Variants in NLRP9 observed in about 807,000 individuals in gnomAD.
NLRP9 encodes NACHT, LRR and PYD domains-containing protein 9.
Under a neutral mutation model 83.1 loss-of-function variants are expected in NLRP9, and 88 were observed. The ratio of observed to expected loss-of-function variants is 1.06; its 90% CI spans 0.89 to 1.26. The LOEUF is 1.26. Ranked by LOEUF, NLRP9 falls within the 50% of genes most tolerant of loss-of-function variation. NLRP9 has a pLI of 0.00. For missense variants in NLRP9, 1,308 were observed against 1,179.3 expected (o/e 1.11, Z -1.60); for synonymous variants, 521 against 447.6 (o/e 1.16, Z -2.07).
intron 4 of NLRP9, among the ~76,000 whole-genome samples, 174 bp from the exon 5 acceptor site, chr19:55,717,072 T>C (rs112445243): frequency 0.024 from 3,656 of 150,716 alleles, 193 homozygotes; most frequent in African/African-American, 0.086. Context: ...CTCACTCTGT[T>C]GCCCAGGCAG....
chr19:55,711,610 G>A (rs938900422), intron 8 of NLRP9, 190 bp downstream of exon 8: 37 of 879,266 alleles, frequency 4.2e-5, no homozygotes, highest in Non-Finnish European at 4.9e-5. Flanking sequence ...GAGAAAGGCC[G>A]AGAATGTTGC....
Position 55,729,275 on chromosome 19 carries a change from G to A in NLRP9, c.1994+556C>T, listed in dbSNP as rs374351474. The stretch of plus-strand genomic sequence containing the variant: ...TTATACTTTAAGTTCTAGGGTGCAT[G>A]TGTACAACGTGCAGGTTTGTTACTT... On this transcript the variant is annotated intron_variant, in intron 3 of 8. Transcript: ENST00000332836. Among the ~76,000 whole-genome samples the A allele has an allele frequency of 2.0e-5, 3 of 150,126 alleles. No homozygotes were observed. The East Asian group carries it at 5.9e-4, about 29-fold the overall frequency.
intron 8 of NLRP9, 195 bp downstream of exon 8, chr19:55,711,605 A>C: frequency 1.1e-6 from 1 of 881,952 alleles, no homozygotes; most frequent in Non-Finnish European, 1.8e-6. Flanking sequence ...CTCATGAGAA[A>C]GGCCGAGAAT....
intron 4 of NLRP9, among the ~76,000 whole-genome samples, chr19:55,718,259 G>C (rs1468142042): frequency 6.6e-6 from 1 of 152,194 alleles, no homozygotes. Flanking sequence ...GACAGCCTGA[G>C]ATATGGCCTC....
At chr19:55,735,428 AAAATT>A (rs1988759777) in intron 1 of NLRP9, among the ~76,000 whole-genome samples, 2 of 152,196 alleles carry the variant, frequency 1.3e-5, no homozygotes, top group South Asian at 4.1e-4. Context: ...TCTCTATTAA[AAAATT>A]AAATTAAAAA....
chr19:55,735,069 G>A (rs546171759), intron 1 of NLRP9, among the ~76,000 whole-genome samples: 1 of 152,334 alleles, frequency 6.6e-6, no homozygotes, highest in East Asian at 1.9e-4. Flanking sequence ...GGACTGGACG[G>A]AAGGAGATTG....
intron 3 of NLRP9, among the ~76,000 whole-genome samples, chr19:55,728,576 GCAA>G (rs1172690041): frequency 2.6e-5 from 4 of 151,980 alleles, no homozygotes; most frequent in East Asian, 1.9e-4. Flanking sequence ...CCGTCTCAAA[GCAA>G]CAACAACAAC....
intron 3 of NLRP9, among the ~76,000 whole-genome samples, chr19:55,727,811 A>G (rs28720860): frequency 6.6e-6 from 1 of 152,118 alleles, no homozygotes; most frequent in Non-Finnish European, 1.5e-5. Context: ...TTTAGTCAAC[A>G]GAGAAACACT....
chr19:55,731,580 C>T (rs772081923), intron 2 of NLRP9, among the ~76,000 whole-genome samples: 5 of 151,714 alleles, frequency 3.3e-5, no homozygotes, highest in Non-Finnish European at 5.9e-5. Context: ...AAAAATTAGC[C>T]GGGCGTGGTG....
At position 55,715,143 on chromosome 19, in the gene NLRP9, C is replaced by A. The variant is rs776582079; in HGVS notation, c.2413G>T (p.Asp805Tyr). ...TCTTCCAGGGCATTTGAGCCCAGAT[C>A]GAGGAGGGACAGGGACTTACTGCAC... ...LLCSKSLSLLDLGSNALEDNG... is the reference protein window; with the variant it reads ...LLCSKSLSLLYLGSNALEDNG... The change falls in exon 6 of 9, where the codon GAT (aspartate) becomes TAT (tyrosine). Residue 805 changes from aspartate (D) to tyrosine (Y), a missense_variant. By Grantham distance (160) the Asp-to-Tyr change is radical (BLOSUM62 -3). Coordinates refer to ENST00000332836, the MANE Select transcript of NLRP9 (RefSeq NM_176820.4). The A allele has an allele frequency of 1.9e-6, 3 of 1,613,274 alleles. No homozygotes were observed. Among genetic ancestry groups the A allele is most frequent in the South Asian group, 1.1e-5 (1 of 91,066 alleles).
intron 4 of NLRP9, 77 bp from the exon 5 acceptor site, chr19:55,716,975 C>T: frequency 8.7e-7 from 1 of 1,145,546 alleles, no homozygotes; most frequent in East Asian, 2.4e-5. Flanking sequence ...GACCAAACGA[C>T]ACCTCTGATT....
Position 55,715,198 on chromosome 19 carries a change from G to T in NLRP9, c.2358C>A (p.Val786=), listed in dbSNP as rs764064981. Reference sequence around the variant, plus strand: ...GGACTTCGGAAATGGAGTCACAGGAGACAGAGGTGAGACAGCAGTACATCA... The same window carrying T: ...GGACTTCGGAAATGGAGTCACAGGATACAGAGGTGAGACAGCAGTACATCA... The part of the protein sequence containing the change: ...LMLMYCCLTS[V]SCDSISEVLL... The change falls in exon 6 of 9, where the codon GTC becomes GTA. Residue 786 remains valine (V), a synonymous_variant. Transcript: ENST00000332836. 8 of 1,613,388 alleles carry T rather than the reference G, an allele frequency of 5.0e-6. No individual in the cohort carries two copies. Among genetic ancestry groups the T allele is most frequent in the Non-Finnish European group, 6.8e-6 (8 of 1,179,862 alleles).
Position 55,724,048 on chromosome 19 carries a change from G to T in NLRP9, c.2091C>A (p.Leu697=). ...LKLLSLYGTS[L]SQSDIRHLCE... is the part of the protein sequence containing the mutation. ...ACAGGTGTCTGATGTCAGACTGGGA[G>T]AGGCTAGTGCCGTACAGGCTCAGAA... Residue 697 remains leucine (L), a synonymous_variant, in exon 4 of 9, where the codon CTC becomes CTA. Transcript: ENST00000332836. 1 of 1,613,934 alleles carries T rather than the reference G, an allele frequency of 6.2e-7. No individual in the cohort carries two copies.
chr19:55,721,393 A>G (rs1600133969), intron 4 of NLRP9, among the ~76,000 whole-genome samples: 1 of 152,208 alleles, frequency 6.6e-6, no homozygotes, highest in East Asian at 1.9e-4. Context: ...TGTGGTATCC[A>G]TAAAAATGTT....
chr19:55,730,721 CA>C (rs1171159671), intron 2 of NLRP9, among the ~76,000 whole-genome samples: 1 of 152,048 alleles, frequency 6.6e-6, no homozygotes, highest in African/African-American at 2.4e-5. Context: ...AACACATGGA[CA>C]CAGGGAGGGG....
intron 4 of NLRP9, among the ~76,000 whole-genome samples, chr19:55,721,958 A>T (rs1175218472): frequency 6.6e-6 from 1 of 152,204 alleles, no homozygotes; most frequent in Non-Finnish European, 1.5e-5. Flanking sequence ...TAAATTGCCC[A>T]GTGTTGGGTA....
At chr19:55,737,789 TC>T (rs1475558000) in intron 1 of NLRP9, among the ~76,000 whole-genome samples, 1 of 139,634 alleles carries the variant, frequency 7.2e-6, no homozygotes, top group African/African-American at 2.6e-5. Flanking sequence ...TAGAATTCCA[TC>T]TCAGTAGACC....
intron 4 of NLRP9, among the ~76,000 whole-genome samples, chr19:55,722,318 A>G (rs908000041): frequency 1.3e-5 from 2 of 152,206 alleles, no homozygotes; most frequent in Non-Finnish European, 2.9e-5. Context: ...GCAAAATACT[A>G]TAGAATTTTG....
chr19:55,732,360 C>G lies in NLRP9; in HGVS notation c.1471G>C (p.Val491Leu), dbSNP rs1988599216. The part of the protein sequence containing the change: ...VVQPQTLLTQ[V>L]GIFMFGISTE... ...GAAATTCCAAACATGAATATCCCCA[C>G]CTGGGTCAAGAGGGTTTGAGGCTGA... is the stretch of plus-strand genomic sequence containing the variant. The change falls in exon 2 of 9, where the codon GTG (valine) becomes CTG (leucine). Residue 491 changes from valine (V) to leucine (L), a missense_variant. Val to Leu is a conservative substitution (Grantham distance 32). Transcript: ENST00000332836. 3 of 1,614,228 alleles carry G rather than the reference C, an allele frequency of 1.9e-6. No homozygotes were observed. In the East Asian group the frequency reaches 6.7e-5, roughly 36 times the overall value.
Sources: gnomAD v4.1 joint callset for allele counts (sites outside exome capture counted in the v4.1 genomes callset) on GRCh38, gnomAD v4.1.1 for gene constraint, MANE v1.5 for transcripts, NCBI Gene and HGNC (gene_info 2026-07-23, HGNC 2026-07-21) for gene names.